SPNS2: variants seen among roughly 807,000 people sequenced by gnomAD.
SPNS2 encodes the protein sphingosine-1-phosphate transporter SPNS2.
In SPNS2, 37 loss-of-function variants were observed where a neutral mutation model predicts 57.6. That is an observed-to-expected ratio of 0.64 (90% confidence interval 0.49 to 0.85). The LOEUF (loss-of-function observed/expected upper bound fraction) is 0.85. SPNS2 is among the 40% of genes least tolerant of loss of function. The pLI, the probability that SPNS2 is intolerant of heterozygous loss-of-function variation, is 0.00. For missense variants in SPNS2, 831 were observed against 779.1 expected, an observed-to-expected ratio of 1.07 and a Z score of -0.79; for synonymous variants, 440 against 346.9, an observed-to-expected ratio of 1.27 and a Z score of -2.98.
intron 9 of SPNS2, among the ~76,000 whole-genome samples, chr17:4,535,740 T>C (rs1281610463): frequency 6.6e-6 from 1 of 151,724 alleles, no homozygotes; most frequent in Admixed American, 6.6e-5. Flanking sequence ...GCACAGCAGG[T>C]TTGAGGCCAA....
intron 5 of SPNS2, among the ~76,000 whole-genome samples, chr17:4,532,164 A>ATCCG (rs945076170): frequency 8.6e-5 from 6 of 69,964 alleles, no homozygotes; most frequent in Non-Finnish European, 1.2e-4. Flanking sequence ...CCGTCTGTCC[A>ATCCG]TCTGTCCATC....
intron 3 of SPNS2, among the ~76,000 whole-genome samples, chr17:4,528,040 T>C (rs78769220): frequency 6.6e-6 from 1 of 152,044 alleles, no homozygotes. Flanking sequence ...CTTTTTTTTT[T>C]AGACGGAGTT....
Position 4,512,205 on chromosome 17 carries a change from G to A in SPNS2, c.371-1042G>A, listed in dbSNP as rs542199386. ...AGGGCCATCTCCTCTTCCTTCTTCCGCTGTCCCTTCTCACTGCAGATGTGC... is the reference window on the plus strand; with the variant it reads ...AGGGCCATCTCCTCTTCCTTCTTCCACTGTCCCTTCTCACTGCAGATGTGC... On this transcript the variant is annotated intron_variant, in intron 1 of 12. Transcript: ENST00000329078. This position sits in a 1 kb window ranked among gnomAD's most constrained non-coding sequence, Gnocchi z 5.2. 1.8e-4 allele frequency among the ~76,000 whole-genome samples: 27 copies of A among 152,256 alleles called. 1 individual carries two copies. The highest frequency in any genetic ancestry group is 4.1e-4 in the South Asian group (2 of 4,826).
chr17:4,524,986 C>T (rs374020073), intron 2 of SPNS2, 71 bp from the exon 3 acceptor site: 47 of 1,579,104 alleles, frequency 3.0e-5, no homozygotes, highest in African/African-American at 2.4e-4. Flanking sequence ...GGCCCCAAGC[C>T]GGAGTGAAAT....
rs564278757 is a variant in SPNS2, at chr17:4,537,662, C to A, written c.*214C>A. The A allele has an allele frequency of 2.2e-6, 1 of 456,776 alleles. No homozygotes were observed. The allele number at this position is 456,776 out of a possible 1,614,324, so 28.3% of individuals were successfully genotyped here. A position where few individuals can be genotyped will look rare whatever the true frequency, so the allele number is the denominator to read the frequency against. On this transcript the variant is annotated 3_prime_UTR_variant, in exon 13 of 13. Transcript: ENST00000329078. ...GAAGGATGTGTGTGTTGGAGCCACA[C>A]GGTTGGACAGGTTCCCAGCCCTAGG... is the stretch of plus-strand genomic sequence containing the variant.
intron 1 of SPNS2, among the ~76,000 whole-genome samples, chr17:4,501,536 C>T: frequency 6.6e-6 from 1 of 152,300 alleles, no homozygotes; most frequent in East Asian, 1.9e-4. Context: ...TGCCTCCCTC[C>T]CTCTCCTGGC....
At chr17:4,536,447 G>A (rs757919011) in intron 11 of SPNS2, 21 bp downstream of exon 11, 51 of 1,583,286 alleles carry the variant, frequency 3.2e-5, no homozygotes, top group Non-Finnish European at 4.1e-5. Flanking sequence ...GGGAGGGGAG[G>A]CCCTGCTGCA....
At position 4,533,022 on chromosome 17, in the gene SPNS2, C is replaced by T. The variant is rs373355685; in HGVS notation, c.981C>T (p.Phe327=). 3.2e-4 allele frequency: 510 copies of T among 1,613,364 alleles called. 7 individuals carry two copies. In the South Asian group the frequency reaches 4.1e-3, roughly 13 times the overall value. The change falls in exon 7 of 13, where the codon TTC becomes TTT. Residue 327 remains phenylalanine, a synonymous_variant. Coordinates refer to ENST00000329078, the MANE Select transcript of SPNS2 (RefSeq NM_001124758.3). Reference sequence around the variant, plus strand: ...CCCTGGCCACGTCGGCTGTCTCCTTCGCCACGGGGGCCCTGGGCATGTGGA... The same window carrying T: ...CCCTGGCCACGTCGGCTGTCTCCTTTGCCACGGGGGCCCTGGGCATGTGGA... ...FSSLATSAVS[F]ATGALGMWIP... is the part of the protein sequence containing the mutation.
chr17:4,525,600 C>G (rs981230881), intron 3 of SPNS2, among the ~76,000 whole-genome samples: 2 of 152,192 alleles, frequency 1.3e-5, no homozygotes, highest in Non-Finnish European at 2.9e-5. Flanking sequence ...GGTCTGATGA[C>G]CAGCTGACTT....
chr17:4,522,603 C>G (rs1262540981), intron 2 of SPNS2, among the ~76,000 whole-genome samples: 2 of 152,250 alleles, frequency 1.3e-5, no homozygotes, highest in African/African-American at 2.4e-5. Flanking sequence ...TCTCTCAGGT[C>G]CCATCTCGCC....
intron 3 of SPNS2, among the ~76,000 whole-genome samples, chr17:4,530,290 G>C (rs1433777117): frequency 6.6e-6 from 1 of 152,218 alleles, no homozygotes; most frequent in Admixed American, 6.5e-5. Context: ...CCAGGGAGGG[G>C]TCTCCCAGTT....
chr17:4,502,796 T>G (rs1904560903), intron 1 of SPNS2, among the ~76,000 whole-genome samples: 1 of 152,184 alleles, frequency 6.6e-6, no homozygotes, highest in Non-Finnish European at 1.5e-5. Context: ...CTGGGATTTT[T>G]GTTGTTGTTG....
At position 4,539,021 on chromosome 17, in the gene SPNS2, A is replaced by T. The variant is rs1906066036; in HGVS notation, c.*1573A>T. On this transcript the variant is annotated 3_prime_UTR_variant, in exon 13 of 13. Transcript: ENST00000329078. ...TATTCCTCTTGTAAATGAAGAAATA[A>T]ACCTATTTAAATCACCCCCTGGTGG... 1 of 835,882 alleles carries T rather than the reference A, an allele frequency of 1.2e-6. No homozygotes were observed. The highest frequency in any genetic ancestry group is 1.7e-5 in the African/African-American group (1 of 60,096). The allele number at this position is 835,882 out of a possible 1,614,324, so 51.8% of individuals were successfully genotyped here. A position where few individuals can be genotyped will look rare whatever the true frequency, so the allele number is the denominator to read the frequency against.
chr17:4,536,039 TCTC>T (rs1394769509), intron 9 of SPNS2, 34 bp from the exon 10 acceptor site: 5 of 1,589,062 alleles, frequency 3.1e-6, no homozygotes, highest in East Asian at 2.2e-5. Flanking sequence ...CGTGAGCCTT[TCTC>T]CTCTGGCCGC....
chr17:4,525,448 C>G (rs1905243142), intron 3 of SPNS2, among the ~76,000 whole-genome samples: 1 of 152,228 alleles, frequency 6.6e-6, no homozygotes, highest in Admixed American at 6.5e-5. Context: ...TTCTGAGCAT[C>G]CCTCTGATTT....
chr17:4,499,062 A>G lies in SPNS2; in HGVS notation c.15A>G (p.Glu5=). The change falls in exon 1 of 13, where the codon GAA becomes GAG. Residue 5 remains glutamate, a synonymous_variant. Transcript: ENST00000329078. The surrounding 1 kb of genome is among the most constrained non-coding windows in gnomAD (Gnocchi z 5.2). ...TCCGGGCCGGCATGATGTGCCTGGA[A>G]TGCGCCTCGGCGGCGGCGGGCGGCG... MMCL[E]CASAAAGGAE... The G allele has an allele frequency of 9.8e-7, 1 of 1,015,614 alleles. No homozygotes were observed. The allele number at this position is 1,015,614 out of a possible 1,614,324, so 62.9% of individuals were successfully genotyped here. A position where few individuals can be genotyped will look rare whatever the true frequency, so the allele number is the denominator to read the frequency against.
rs561159069 is a variant in SPNS2 at position 4,519,445 on chromosome 17, G to A, written c.437-5612G>A. 3.3e-5 allele frequency among the ~76,000 whole-genome samples: 5 copies of A among 152,238 alleles called. No homozygotes were observed. The East Asian group carries it at 5.8e-4, about 18-fold the overall frequency. On this transcript the variant is annotated intron_variant, in intron 2 of 12. Transcript: ENST00000329078. ...AGGTGGACAGCACTGGCTTTCTGAC[G>A]GCCTCCTGCCAGCCTGGCGAGGAGG...
intron 3 of SPNS2, among the ~76,000 whole-genome samples, chr17:4,529,688 A>G (rs1253840035): frequency 1.3e-5 from 2 of 151,998 alleles, no homozygotes; most frequent in Admixed American, 1.3e-4. Flanking sequence ...AAGAAAAAAA[A>G]AGAAATCAAT....
At chr17:4,520,896 C>G (rs1330270169) in intron 2 of SPNS2, among the ~76,000 whole-genome samples, 1 of 152,154 alleles carries the variant, frequency 6.6e-6, no homozygotes, top group Admixed American at 6.5e-5. Flanking sequence ...CATGCTGGGC[C>G]TTGCCTATAT....
Sources: allele counts gnomAD v4.1 joint callset (sites outside exome capture counted in the v4.1 genomes callset), GRCh38; gene constraint gnomAD v4.1.1; non-coding constraint Gnocchi (gnomAD v3.1); transcripts MANE v1.5; gene names NCBI Gene and HGNC (gene_info 2026-07-23, HGNC 2026-07-21).